UBA2: variants seen among roughly 807,000 people sequenced by gnomAD.
UBA2 encodes ubiquitin like modifier activating enzyme 2.
Under a neutral mutation model 77.2 loss-of-function variants are expected in UBA2, and 11 were observed. That is an observed-to-expected ratio of 0.14 (90% CI 0.09 to 0.24). The LOEUF (loss-of-function observed/expected upper bound fraction) is 0.24. Ranked by LOEUF, UBA2 falls within the 10% of genes least tolerant of loss-of-function variation. The pLI is 1.00. For synonymous variants in UBA2, 278 were observed against 276.7 expected, an observed-to-expected ratio of 1.00 and a Z score of -0.05; for missense variants, 487 against 781.7, an observed-to-expected ratio of 0.62 and a Z score of 4.50.
rs950654157 is a variant in UBA2 at position 34,436,157 on chromosome 19, C to G, written c.459+1189C>G. On this transcript the variant is annotated intron_variant, in intron 5 of 16. Transcript: ENST00000246548. ...CCAAAAAATTCTGTTGTCTAAGAGT[C>G]TGGGCTTATAATGTGGAAGGGAACT... Among the ~76,000 whole-genome samples the G allele has an allele frequency of 8.6e-5, 13 of 151,628 alleles. No homozygotes were observed. In the East Asian group the frequency reaches 1.6e-3, roughly 18 times the overall value.
chr19:34,459,275 G>T (rs1032978548), intron 13 of UBA2, among the ~76,000 whole-genome samples: 4 of 152,202 alleles, frequency 2.6e-5, no homozygotes, highest in African/African-American at 9.7e-5. Context: ...CACTGTGGCA[G>T]TGAGCAGATA....
intron 16 of UBA2, among the ~76,000 whole-genome samples, chr19:34,468,092 CTGAT>C (rs1242886488): frequency 1.3e-5 from 2 of 152,138 alleles, no homozygotes; most frequent in Admixed American, 6.5e-5. Flanking sequence ...TTCCAAATAA[CTGAT>C]TGTTTACTGT....
intron 3 of UBA2, among the ~76,000 whole-genome samples, chr19:34,432,837 G>A (rs1192203910): frequency 6.6e-6 from 1 of 152,208 alleles, no homozygotes; most frequent in Non-Finnish European, 1.5e-5. Context: ...TTACAGGCGT[G>A]AGCCACTGCA....
At chr19:34,441,236 A>G (rs2075365627) in intron 6 of UBA2, among the ~76,000 whole-genome samples, 1 of 152,058 alleles carries the variant, frequency 6.6e-6, no homozygotes, top group African/African-American at 2.4e-5. Context: ...CGAGCGGATC[A>G]CGAGGTCAGG....
At chr19:34,436,691 C>G (rs899064232) in intron 5 of UBA2, among the ~76,000 whole-genome samples, 1 of 151,752 alleles carries the variant, frequency 6.6e-6, no homozygotes, top group Non-Finnish European at 1.5e-5. Flanking sequence ...ATTGTAGTTA[C>G]ATTTGAAGAG....
intron 8 of UBA2, among the ~76,000 whole-genome samples, chr19:34,447,977 A>C (rs1014077717): frequency 2.0e-5 from 3 of 152,190 alleles, no homozygotes; most frequent in African/African-American, 4.8e-5. Context: ...CATAAATCCC[A>C]TTAAGGGGGA....
intron 5 of UBA2, among the ~76,000 whole-genome samples, chr19:34,435,419 A>G (rs1002188829): frequency 6.6e-6 from 1 of 152,200 alleles, no homozygotes; most frequent in African/African-American, 2.4e-5. Flanking sequence ...TTAAAATGCT[A>G]TAAACGTGCT....
intron 15 of UBA2, among the ~76,000 whole-genome samples, chr19:34,466,288 A>T (rs1429804513): frequency 6.6e-6 from 1 of 152,172 alleles, no homozygotes; most frequent in African/African-American, 2.4e-5. Context: ...GTGAACCGAG[A>T]TCACGCTACT....
chr19:34,434,845 C>G, intron 4 of UBA2, 23 bp from the exon 5 acceptor site: 5 of 1,561,866 alleles, frequency 3.2e-6, no homozygotes, highest in Non-Finnish European at 4.4e-6. Flanking sequence ...CCCAAAAACT[C>G]ATACTGTTTG....
rs1373637038 is a variant in UBA2, at chr19:34,428,809, C to T, written c.138+239C>T. On this transcript the variant is annotated intron_variant, in intron 1 of 16. Transcript: ENST00000246548. Reference sequence around the variant, plus strand: ...CCGGACGCCGAGGAGGCCGCGGGCCCCCGCCTCCCCGGCAGCGCCAATGTG... The same window carrying T: ...CCGGACGCCGAGGAGGCCGCGGGCCTCCGCCTCCCCGGCAGCGCCAATGTG... 5 of 1,153,114 alleles carry T rather than the reference C, an allele frequency of 4.3e-6. No homozygotes were observed. The African/African-American group carries it at 4.8e-5, about 11-fold the overall frequency. 71.4% of individuals were successfully genotyped at this position (1,153,114 alleles called of 1,614,324 possible). A position where few individuals can be genotyped will look rare whatever the true frequency, so the allele number is the denominator to read the frequency against.
chr19:34,442,664 C>T (rs911839703), intron 6 of UBA2, among the ~76,000 whole-genome samples: 2 of 152,030 alleles, frequency 1.3e-5, no homozygotes, highest in Non-Finnish European at 1.5e-5. Flanking sequence ...CTCCTGACTT[C>T]GGTTGATCCA....
chr19:34,457,856 G>A (rs2075585361), intron 12 of UBA2, among the ~76,000 whole-genome samples: 1 of 152,126 alleles, frequency 6.6e-6, no homozygotes, highest in Admixed American at 6.5e-5. Context: ...CTTAATTTCA[G>A]TGTAATTTGT....
In UBA2 at chr19:34,443,432, C is replaced by A. The variant is rs139384619; in HGVS notation, c.582-412C>A. Among the ~76,000 whole-genome samples, 24 of 145,774 alleles carry A rather than the reference C, an allele frequency of 1.6e-4. No homozygotes were observed. The East Asian group carries it at 4.3e-3, about 26-fold the overall frequency. ...ACTTTTAAGTTTATAGTCATTTATC[C>A]GTTATTCACTTTTTTTTTTTTTTTT... is the stretch of plus-strand genomic sequence containing the variant. On this transcript the variant is annotated intron_variant, in intron 6 of 16. Transcript: ENST00000246548.
At chr19:34,454,386 A>T (rs2075535506) in intron 11 of UBA2, 33 bp downstream of exon 11, 1 of 1,591,354 alleles carries the variant, frequency 6.3e-7, no homozygotes, top group Non-Finnish European at 8.6e-7. Context: ...GTATCACTAA[A>T]ACCTTGAAGT....
intron 13 of UBA2, among the ~76,000 whole-genome samples, chr19:34,459,961 C>G (rs962237039): frequency 6.6e-6 from 1 of 152,206 alleles, no homozygotes; most frequent in African/African-American, 2.4e-5. Flanking sequence ...GGTTATTCCT[C>G]TATTTGTAGG....
At chr19:34,457,010 T>C (rs1489456262) in intron 12 of UBA2, among the ~76,000 whole-genome samples, 4 of 150,776 alleles carry the variant, frequency 2.7e-5, no homozygotes, top group African/African-American at 9.8e-5. Context: ...CCTGCTTAGC[T>C]CCATGCCACT....
Position 34,469,477 on chromosome 19 carries a change from A to G in UBA2, c.*256A>G, listed in dbSNP as rs2145576989. 4.5e-6 allele frequency: 1 copy of G among 222,432 alleles called. No homozygotes were observed. Among genetic ancestry groups the G allele is most frequent in the East Asian group, 8.7e-5 (1 of 11,470 alleles). The allele number at this position is 222,432 out of a possible 1,614,324, so 13.8% of individuals were successfully genotyped here. Reference sequence around the variant, plus strand: ...GTCATGAGATAAAACAACACAATGCATGTTGCCTTTTTAATGTAAATACCC... The same window carrying G: ...GTCATGAGATAAAACAACACAATGCGTGTTGCCTTTTTAATGTAAATACCC... On this transcript the variant is annotated 3_prime_UTR_variant, in exon 17 of 17. Transcript: ENST00000246548.
chr19:34,434,509 C>T (rs1037906155), intron 4 of UBA2, among the ~76,000 whole-genome samples: 2 of 152,172 alleles, frequency 1.3e-5, no homozygotes, highest in Non-Finnish European at 2.9e-5. Context: ...GCCTTCATTT[C>T]TATCATGTAT....
rs1276327535 is a variant in UBA2, at chr19:34,450,319, A to G, written c.826A>G (p.Arg276Gly). ...LLTMDKLWRK[R>G]KPPVPLDWAE... is the part of the protein sequence containing the mutation. ...GACAATGGACAAACTATGGCGGAAA[A>G]GGAAACCTCCAGTTCCGTTGGACTG... The change falls in exon 9 of 17, where the codon AGG becomes GGG. Residue 276 changes from arginine to glycine, a missense_variant. By Grantham distance (125) the Arg-to-Gly change is moderately radical (BLOSUM62 -2). Around this residue, in one of 9 missense-constraint regions of UBA2, gnomAD observed 300 missense variants for 454.3 expected, o/e 0.66. Transcript: ENST00000246548. 1 of 1,611,014 alleles carries G rather than the reference A, an allele frequency of 6.2e-7. No individual in the cohort carries two copies. The highest frequency in any genetic ancestry group is 8.5e-7 in the Non-Finnish European group (1 of 1,179,298).
Sources: allele counts gnomAD v4.1 joint callset (sites outside exome capture counted in the v4.1 genomes callset), GRCh38; gene constraint gnomAD v4.1.1; regional missense constraint gnomAD v4.1.1; transcripts MANE v1.5; gene names NCBI Gene and HGNC (gene_info 2026-07-23, HGNC 2026-07-21).